COQ10B: variants seen among roughly 807,000 people sequenced by gnomAD.
The protein encoded by COQ10B is coenzyme Q10B.
COQ10B carries 12 observed loss-of-function variants against 27.6 expected under a neutral mutation model. The ratio of observed to expected loss-of-function variants is 0.43; its 90% confidence interval spans 0.28 to 0.70. The LOEUF (loss-of-function observed/expected upper bound fraction) is 0.70, where lower values mean the gene tolerates loss of function less well. Among genes scored for constraint, COQ10B ranks in the 30% least tolerant of loss-of-function variants. The pLI, the probability that COQ10B is intolerant of heterozygous loss-of-function variation, is 0.17. For missense variants in COQ10B, 278 were observed against 288.7 expected, an observed-to-expected ratio of 0.96 and a Z score of 0.27; for synonymous variants, 115 against 103.0, an observed-to-expected ratio of 1.12 and a Z score of -0.71.
chr2:197,473,710 A>T, intron 4 of COQ10B, 47 bp from the exon 5 acceptor site: 1 of 1,286,554 alleles, frequency 7.8e-7, no homozygotes, highest in Non-Finnish European at 1.0e-6. Flanking sequence ...AAAAAAAAAA[A>T]GCAAAAAATA....
intron 1 of COQ10B, among the ~76,000 whole-genome samples, chr2:197,457,310 A>T (rs926664796): frequency 6.6e-6 from 1 of 152,228 alleles, no homozygotes; most frequent in Admixed American, 6.5e-5. Context: ...TATAGTTTCA[A>T]ATAGGTAGAA....
intron 1 of COQ10B, 200 bp downstream of exon 1, chr2:197,453,864 T>A: frequency 7.8e-7 from 1 of 1,283,512 alleles, no homozygotes; most frequent in Non-Finnish European, 1.1e-6. Flanking sequence ...GCTGTGTTCG[T>A]GGCTCGTTTG....
chr2:197,474,203 C>CAGA lies in COQ10B; in HGVS notation c.*282_*284dup. 1 of 249,008 alleles carries CAGA rather than the reference C, an allele frequency of 4.0e-6. No homozygotes were observed. The highest frequency in any genetic ancestry group is 1.3e-3 in the Middle Eastern group (1 of 784). 15.4% of individuals were successfully genotyped at this position (249,008 alleles called of 1,614,324 possible). A position where few individuals can be genotyped will look rare whatever the true frequency, so the allele number is the denominator to read the frequency against. ...AGAATACTGGCATGATTCTTCTGAG[C>CAGA]AGAAGTTGAAACTGTAAATTTAAAC... On this transcript the variant is annotated 3_prime_UTR_variant, in exon 5 of 5. Transcript: ENST00000263960.
intron 1 of COQ10B, among the ~76,000 whole-genome samples, chr2:197,458,932 G>A (rs571800391): frequency 1.3e-5 from 2 of 152,086 alleles, no homozygotes; most frequent in South Asian, 2.1e-4. Flanking sequence ...CACCCGCCTC[G>A]GCCTCCCAAA....
intron 4 of COQ10B, among the ~76,000 whole-genome samples, chr2:197,473,517 TAC>T (rs147497939): frequency 4.8e-4 from 68 of 140,526 alleles, no homozygotes; most frequent in African/African-American, 1.3e-3. Flanking sequence ...CGTATATATA[TAC>T]ACACACACAC....
chr2:197,471,450 T>G (rs2085876436), intron 4 of COQ10B, among the ~76,000 whole-genome samples: 1 of 152,032 alleles, frequency 6.6e-6, no homozygotes, highest in South Asian at 2.1e-4. Context: ...CCTAGTAACT[T>G]TCTTTTTCAT....
chr2:197,455,229 C>A (rs2085683233), intron 1 of COQ10B, among the ~76,000 whole-genome samples: 2 of 151,798 alleles, frequency 1.3e-5, no homozygotes, highest in Non-Finnish European at 2.9e-5. Flanking sequence ...CAACCAGATA[C>A]CCAATTCACC....
intron 3 of COQ10B, among the ~76,000 whole-genome samples, chr2:197,464,275 A>G (rs1241815615): frequency 6.6e-6 from 1 of 151,926 alleles, no homozygotes. Flanking sequence ...TTTCTTTTGC[A>G]TTCCCATTTT....
chr2:197,463,375 G>A (rs972157834), intron 3 of COQ10B, among the ~76,000 whole-genome samples: 1 of 152,044 alleles, frequency 6.6e-6, no homozygotes, highest in African/African-American at 2.4e-5. Context: ...AGGTGGCTGA[G>A]GCAGGAGAAT....
chr2:197,473,695 CAAAAA>C (rs78531672), intron 4 of COQ10B, 57 bp from the exon 5 acceptor site: 9 of 947,708 alleles, frequency 9.5e-6, no homozygotes, highest in South Asian at 2.8e-5. Flanking sequence ...CCAGGAAAAC[CAAAAA>C]AAAAAAAAAA....
chr2:197,461,799 C>T (rs554312358), intron 2 of COQ10B, among the ~76,000 whole-genome samples: 7 of 152,100 alleles, frequency 4.6e-5, no homozygotes, highest in Admixed American at 4.6e-4. Context: ...TGCCACCACA[C>T]CTGGCTAATT....
chr2:197,472,800 CAAAAA>C (rs34942079), intron 4 of COQ10B, among the ~76,000 whole-genome samples: 10 of 96,072 alleles, frequency 1.0e-4, no homozygotes, highest in South Asian at 3.9e-4. Flanking sequence ...GGCTCCATCT[CAAAAA>C]AAAAAAAAAA....
At chr2:197,466,858 G>A (rs1222007275) in intron 3 of COQ10B, among the ~76,000 whole-genome samples, 1 of 146,986 alleles carries the variant, frequency 6.8e-6, no homozygotes, top group African/African-American at 2.5e-5. Context: ...ATTATAAGTT[G>A]CCTCACATAA....
intron 4 of COQ10B, among the ~76,000 whole-genome samples, chr2:197,473,400 C>A (rs1456511445): frequency 3.2e-4 from 16 of 50,446 alleles, no homozygotes; most frequent in East Asian, 8.5e-4. Flanking sequence ...CGCCCCCCCC[C>A]ACAAAAAAAA....
At chr2:197,461,559 CTGTGTGTGTGTGTGTG>C (rs60261177) in intron 2 of COQ10B, among the ~76,000 whole-genome samples, 2 of 139,758 alleles carry the variant, frequency 1.4e-5, no homozygotes, top group African/African-American at 2.7e-5. Flanking sequence ...CTGATTTAGT[CTGTGTGTGTGTGTGTG>C]TGTGTGTGTG....
intron 1 of COQ10B, among the ~76,000 whole-genome samples, chr2:197,457,169 CAG>C (rs1383586504): frequency 6.6e-6 from 1 of 152,186 alleles, no homozygotes; most frequent in Non-Finnish European, 1.5e-5. Context: ...AGGCAGAACT[CAG>C]GCGGTAATAC....
rs1295352930 is a variant in COQ10B at position 197,470,137 on chromosome 2, C to T, written c.515C>T (p.Pro172Leu). The T allele has an allele frequency of 7.4e-6, 12 of 1,612,848 alleles. No homozygotes were observed. The highest frequency in any genetic ancestry group is 1.3e-5 in the African/African-American group (1 of 74,882). The change falls in exon 4 of 5, where the codon CCT becomes CTT. Residue 172 changes from proline (P) to leucine (L), a missense_variant. Pro to Leu is a moderately conservative substitution (Grantham distance 98). Around this residue, in one of 3 missense-constraint regions of COQ10B, gnomAD observed 83 missense variants for 104.5 expected, o/e 0.79. Coordinates refer to ENST00000263960, the MANE Select transcript of COQ10B (RefSeq NM_025147.5). ...ATTTGGCGTTTTAGCCCAGGTCTTC[C>T]TGGCTACCCAAGAACTTGTACCTTG... ...ETIWRFSPGL[P>L]GYPRTCTLDF... is the part of the protein sequence containing the mutation.
intron 4 of COQ10B, among the ~76,000 whole-genome samples, chr2:197,472,873 C>T (rs1210488907): frequency 6.6e-6 from 1 of 151,672 alleles, no homozygotes; most frequent in Non-Finnish European, 1.5e-5. Flanking sequence ...CACACATGTG[C>T]ATGCACACTT....
intron 3 of COQ10B, among the ~76,000 whole-genome samples, chr2:197,466,729 C>G (rs914761477): frequency 4.6e-5 from 7 of 151,982 alleles, no homozygotes; most frequent in African/African-American, 1.7e-4. Flanking sequence ...TCATAGCTAT[C>G]TCAATTTTAT....
Sources: gnomAD v4.1 joint callset for allele counts (sites outside exome capture counted in the v4.1 genomes callset) on GRCh38, gnomAD v4.1.1 for gene constraint, gnomAD v4.1.1 regional missense constraint, MANE v1.5 for transcripts, NCBI Gene and HGNC (gene_info 2026-07-23, HGNC 2026-07-21) for gene names.